Variants in SEPTIN9 observed in about 807,000 individuals in gnomAD.
The protein encoded by SEPTIN9 is septin 9.
Under a neutral mutation model 56.6 loss-of-function variants are expected in SEPTIN9, and 13 were observed. The ratio of observed to expected loss-of-function variants is 0.23; its 90% confidence interval spans 0.15 to 0.37. SEPTIN9 has a LOEUF of 0.37. SEPTIN9 is among the 10% of genes least tolerant of loss of function. SEPTIN9 has a pLI of 1.00. For missense variants in SEPTIN9, 650 were observed against 823.1 expected, an observed-to-expected ratio of 0.79 and a Z score of 2.57; for synonymous variants, 332 against 334.1, an observed-to-expected ratio of 0.99 and a Z score of 0.07.
At chr17:77,413,940 CTTTTT>C (rs202194441) in intron 3 of SEPTIN9, among the ~76,000 whole-genome samples, 2 of 125,756 alleles carry the variant, frequency 1.6e-5, no homozygotes, top group African/African-American at 3.0e-5. Context: ...TCAGTATTTT[CTTTTT>C]TTTTTTTTTT....
chr17:77,431,811 C>T (rs1056394245), intron 3 of SEPTIN9, among the ~76,000 whole-genome samples: 5 of 129,204 alleles, frequency 3.9e-5, no homozygotes, highest in Non-Finnish European at 6.2e-5. Context: ...GCCTAGGCAA[C>T]GGGAGTGAAA....
intron 3 of SEPTIN9, among the ~76,000 whole-genome samples, chr17:77,467,297 A>G (rs2038784846): frequency 1.3e-5 from 2 of 152,182 alleles, no homozygotes; most frequent in African/African-American, 4.8e-5. Flanking sequence ...CCAAGGTCTC[A>G]GTGTCTGGTT....
At chr17:77,308,400 G>A (rs2032354093) in intron 2 of SEPTIN9, among the ~76,000 whole-genome samples, 1 of 152,242 alleles carries the variant, frequency 6.6e-6, no homozygotes, top group African/African-American at 2.4e-5. Flanking sequence ...GTGCCCATCT[G>A]GAGCCGCCAC....
intron 1 of SEPTIN9, among the ~76,000 whole-genome samples, chr17:77,283,234 A>G (rs929913078): frequency 2.0e-5 from 3 of 150,480 alleles, no homozygotes; most frequent in Non-Finnish European, 4.4e-5. Flanking sequence ...TGGAGTGAGC[A>G]GGAACCAACT....
intron 2 of SEPTIN9, among the ~76,000 whole-genome samples, chr17:77,362,177 G>T (rs1205787900): frequency 6.6e-6 from 1 of 152,240 alleles, no homozygotes; most frequent in African/African-American, 2.4e-5. Flanking sequence ...AGATGGTGGG[G>T]TGGCCTTCAC....
chr17:77,404,463 G>T (rs768444177), intron 3 of SEPTIN9, among the ~76,000 whole-genome samples: 1 of 152,190 alleles, frequency 6.6e-6, no homozygotes, highest in East Asian at 1.9e-4. Flanking sequence ...GCCCAGGCTG[G>T]TCTCAAACTC....
chr17:77,444,085 CA>C (rs938235324), intron 3 of SEPTIN9, among the ~76,000 whole-genome samples: 8 of 152,060 alleles, frequency 5.3e-5, no homozygotes, highest in East Asian at 1.9e-4. Context: ...TGACATTTAC[CA>C]GGGGGGATTT....
intron 3 of SEPTIN9, among the ~76,000 whole-genome samples, chr17:77,422,342 C>T (rs560761164): frequency 6.6e-6 from 1 of 152,178 alleles, no homozygotes; most frequent in Non-Finnish European, 1.5e-5. Flanking sequence ...CACCCAGCCT[C>T]GGGGCCAGGC....
chr17:77,490,107 G>A (rs1276721970), intron 7 of SEPTIN9, among the ~76,000 whole-genome samples: 1 of 152,230 alleles, frequency 6.6e-6, no homozygotes, highest in African/African-American at 2.4e-5. Flanking sequence ...GCGGGCCTTG[G>A]CCATCTCTGC....
intron 3 of SEPTIN9, among the ~76,000 whole-genome samples, chr17:77,406,831 T>C (rs61010755): frequency 0.41 from 62,385 of 151,874 alleles, 13,338 homozygotes; most frequent in African/African-American, 0.5. Flanking sequence ...CTACCACGCC[T>C]GGCTAACTTT....
chr17:77,499,038 C>G lies in SEPTIN9; in HGVS notation c.*380C>G. 1.9e-6 allele frequency: 1 copy of G among 538,182 alleles called. No individual in the cohort carries two copies. The highest frequency in any genetic ancestry group is 1.5e-5 in the South Asian group (1 of 65,246). 33.3% of individuals were successfully genotyped at this position (538,182 alleles called of 1,614,324 possible). A position where few individuals can be genotyped will look rare whatever the true frequency, so the allele number is the denominator to read the frequency against. On this transcript the variant is annotated 3_prime_UTR_variant, in exon 12 of 12. Transcript: ENST00000427177. Reference sequence around the variant, plus strand: ...GGGTGGGGGCCAGGCCTCGCACTTGCAGAGGAGCCCAGTGGGCTGCACGCT... The same window carrying G: ...GGGTGGGGGCCAGGCCTCGCACTTGGAGAGGAGCCCAGTGGGCTGCACGCT...
At chr17:77,332,324 T>G (rs1248624030) in intron 2 of SEPTIN9, among the ~76,000 whole-genome samples, 1 of 151,276 alleles carries the variant, frequency 6.6e-6, no homozygotes, top group South Asian at 2.1e-4. Context: ...TGAAAGATTC[T>G]AAAGTAAACA....
intron 3 of SEPTIN9, among the ~76,000 whole-genome samples, chr17:77,458,291 A>G (rs894184158): frequency 2.0e-5 from 3 of 152,206 alleles, no homozygotes; most frequent in Non-Finnish European, 4.4e-5. Flanking sequence ...GTTCCCAGCC[A>G]GGGCGGGGTC....
chr17:77,411,659 C>T (rs530437976), intron 3 of SEPTIN9, among the ~76,000 whole-genome samples: 55 of 151,904 alleles, frequency 3.6e-4, no homozygotes, highest in African/African-American at 1.2e-3. Flanking sequence ...CTCGGCCTCC[C>T]AAAGTAGCAC....
intron 2 of SEPTIN9, among the ~76,000 whole-genome samples, chr17:77,309,275 A>G (rs1464629811): frequency 6.6e-6 from 1 of 152,254 alleles, no homozygotes; most frequent in Non-Finnish European, 1.5e-5. Context: ...ATCACAGCTC[A>G]GCTTGGAAGC....
intron 2 of SEPTIN9, among the ~76,000 whole-genome samples, chr17:77,309,546 C>T: frequency 6.6e-6 from 1 of 152,194 alleles, no homozygotes; most frequent in East Asian, 1.9e-4. Context: ...GTCTGCCATC[C>T]CATCCTCCCA....
chr17:77,449,129 G>A lies in SEPTIN9; in HGVS notation c.722-33015G>A, dbSNP rs552424814. On this transcript the variant is annotated intron_variant, in intron 3 of 11. Coordinates refer to ENST00000427177, the MANE Select transcript of SEPTIN9 (RefSeq NM_001113491.2). The surrounding 1 kb of genome is among the most constrained non-coding windows in gnomAD (Gnocchi z 4.6). ...TAGGTGCTGGAAAATGTAAGGTTGC[G>A]TCTGTGGCCCATGTGCCGTTTCTGC... Among the ~76,000 whole-genome samples the A allele has an allele frequency of 1.5e-3, 229 of 152,242 alleles. 3 individuals carry two copies. Among genetic ancestry groups the A allele is most frequent in the African/African-American group, 4.8e-3 (200 of 41,536 alleles).
intron 3 of SEPTIN9, among the ~76,000 whole-genome samples, chr17:77,410,726 T>C (rs2036266635): frequency 6.6e-6 from 1 of 152,176 alleles, no homozygotes; most frequent in African/African-American, 2.4e-5. Context: ...AACAAGCACA[T>C]AAACAAAAGC....
chr17:77,462,095 A>G (rs977702650), intron 3 of SEPTIN9, among the ~76,000 whole-genome samples: 4 of 152,152 alleles, frequency 2.6e-5, no homozygotes, highest in African/African-American at 4.8e-5. Flanking sequence ...CTTTCCTTCT[A>G]TCGGTTTTGG....
Sources: allele counts gnomAD v4.1 joint callset (sites outside exome capture counted in the v4.1 genomes callset), GRCh38; gene constraint gnomAD v4.1.1; non-coding constraint Gnocchi (gnomAD v3.1); transcripts MANE v1.5; gene names NCBI Gene and HGNC (gene_info 2026-07-23, HGNC 2026-07-21).